Variants in KTN1 observed in about 807,000 individuals in gnomAD.
The protein encoded by KTN1 is kinectin 1.
In KTN1, 130 loss-of-function variants were observed where a neutral mutation model predicts 222.5. That is an observed-to-expected ratio of 0.58 (90% CI 0.51 to 0.68). The LOEUF (loss-of-function observed/expected upper bound fraction) is 0.68. Among genes scored for constraint, KTN1 ranks in the 30% least tolerant of loss-of-function variants. The probability of loss-of-function intolerance (pLI) is 0.00; values close to 1 mark genes in which losing one functional copy is unlikely to be tolerated. For missense variants in KTN1, 1,508 were observed against 1,500.4 expected, an observed-to-expected ratio of 1.01 and a Z score of -0.08; for synonymous variants, 512 against 496.3, an observed-to-expected ratio of 1.03 and a Z score of -0.42.
Position 55,612,005 on chromosome 14 carries a change from TC to T in KTN1, c.-30-13del. 1 of 1,132,468 alleles carries T rather than the reference TC, an allele frequency of 8.8e-7. No individual in the cohort carries two copies. The highest frequency in any genetic ancestry group is 1.2e-6 in the Non-Finnish European group (1 of 847,956). 70.2% of individuals were successfully genotyped at this position (1,132,468 alleles called of 1,614,324 possible). ...TCTTTTTTTTTTTTTGTCCCCACCT[TC>T]TTCCCTATTTAGGTTTTATAGGATC... On this transcript the variant is annotated splice_polypyrimidine_tract_variant and intron_variant, in intron 1 of 43. Transcript: ENST00000395314.
At chr14:55,612,647 A>G (rs1362173800) in intron 2 of KTN1, 76 bp downstream of exon 2, 9 of 1,152,746 alleles carry the variant, frequency 7.8e-6, no homozygotes, top group East Asian at 5.2e-5. Flanking sequence ...TGTTAGGTAC[A>G]TACACAGAAT....
chr14:55,620,631 C>T (rs1442391236), intron 5 of KTN1, among the ~76,000 whole-genome samples: 2 of 152,188 alleles, frequency 1.3e-5, no homozygotes, highest in Non-Finnish European at 2.9e-5. Flanking sequence ...AGCCATGGCC[C>T]ATGCTGTACC....
At chr14:55,672,798 G>A in intron 38 of KTN1, 97 bp downstream of exon 38, 2 of 1,050,836 alleles carry the variant, frequency 1.9e-6, no homozygotes, top group Non-Finnish European at 2.9e-6. Flanking sequence ...TTATAGTTAT[G>A]CTCTTAATAT....
intron 21 of KTN1, among the ~76,000 whole-genome samples, 179 bp downstream of exon 21, chr14:55,649,049 T>G (rs1332749816): frequency 6.6e-6 from 1 of 152,172 alleles, no homozygotes; most frequent in African/African-American, 2.4e-5. Context: ...CCCTCAGTCT[T>G]CTAAGTAGCT....
At chr14:55,593,446 C>CCCCA (rs1555357160) in intron 1 of KTN1, among the ~76,000 whole-genome samples, 38 of 120,574 alleles carry the variant, frequency 3.2e-4, no homozygotes, top group African/African-American at 8.6e-4. Context: ...ACCCCCCCCC[C>CCCCA]AAAAAAAAAA....
At chr14:55,639,070 T>C (rs373446606) in intron 12 of KTN1, 115 bp from the exon 13 acceptor site, 2 of 672,758 alleles carry the variant, frequency 3.0e-6, no homozygotes, top group East Asian at 2.7e-5. Flanking sequence ...CCAGATACTT[T>C]CATAACAATT....
At chr14:55,625,881 A>G (rs1327614769) in intron 5 of KTN1, among the ~76,000 whole-genome samples, 1 of 152,072 alleles carries the variant, frequency 6.6e-6, no homozygotes, top group Non-Finnish European at 1.5e-5. Context: ...TTTTTGTTAA[A>G]CTGCACTCTC....
Position 55,653,587 on chromosome 14 carries a change from T to A in KTN1, c.2792T>A (p.Leu931His). 1 of 1,609,852 alleles carries A rather than the reference T, an allele frequency of 6.2e-7. No individual in the cohort carries two copies. Among genetic ancestry groups the A allele is most frequent in the Non-Finnish European group, 8.5e-7 (1 of 1,176,732 alleles). Residue 931 changes from leucine to histidine, a missense_variant, in exon 28 of 44, where the codon CTT (leucine) becomes CAT (histidine). Physicochemically the swap from Leu to His is moderately conservative, Grantham distance 99. Coordinates refer to ENST00000395314, the MANE Select transcript of KTN1 (RefSeq NM_001079521.2). ...EASSASQFEELEIVLKEKENE... is the reference protein window; with the variant it reads ...EASSASQFEEHEIVLKEKENE... ...TCTTCTGCATCACAGTTTGAAGAAC[T>A]TGAGATTGTGTAAGTATGCTTTAAG...
intron 32 of KTN1, chr14:55,663,749 C>G (rs1034185435): frequency 1.2e-5 from 6 of 498,812 alleles, no homozygotes; most frequent in Non-Finnish European, 2.1e-5. Context: ...GATATATATA[C>G]TAAAACATGG....
At chr14:55,663,487 A>G (rs980709212) in intron 32 of KTN1, 2 of 162,918 alleles carry the variant, frequency 1.2e-5, no homozygotes, top group African/African-American at 4.8e-5. Flanking sequence ...GTAGATTTGA[A>G]ACATGTTAAT....
chr14:55,640,319 A>G (rs908479499), intron 14 of KTN1, 55 bp from the exon 15 acceptor site: 97 of 1,229,732 alleles, frequency 7.9e-5, no homozygotes, highest in Non-Finnish European at 1.1e-4. Context: ...GATGCTTTAC[A>G]AACTTTAAAA....
At chr14:55,679,976 G>T (rs10148122) in intron 43 of KTN1, 23,965 of 324,834 alleles carry the variant, frequency 0.074, 1,018 homozygotes, top group South Asian at 0.092. Context: ...TACCTGCAAC[G>T]GCTTCGTTAA....
chr14:55,676,697 G>A (rs1056075398), intron 41 of KTN1, among the ~76,000 whole-genome samples: 4 of 151,956 alleles, frequency 2.6e-5, no homozygotes, highest in African/African-American at 9.7e-5. Context: ...TTAAATATTT[G>A]ATATTCTAAT....
At chr14:55,644,479 G>T (rs1331055043) in intron 18 of KTN1, 2 of 688,900 alleles carry the variant, frequency 2.9e-6, no homozygotes, top group Non-Finnish European at 5.3e-6. Flanking sequence ...AGGAGGGAAG[G>T]CTGCATTTGG....
Position 55,649,668 on chromosome 14 carries a change from CA to C in KTN1, c.2368-107del, listed in dbSNP as rs1355974887. 4 of 668,374 alleles carry C rather than the reference CA, an allele frequency of 6.0e-6. No homozygotes were observed. The African/African-American group carries it at 7.6e-5, about 13-fold the overall frequency. 41.4% of individuals were successfully genotyped at this position (668,374 alleles called of 1,614,324 possible). On this transcript the variant is annotated intron_variant, in intron 21 of 43. Coordinates refer to ENST00000395314, the MANE Select transcript of KTN1 (RefSeq NM_001079521.2). ...CTCGAAAGAATGCCTGGGCTTTTCC[CA>C]TTTGGATTTTGATTGTATTGGAAAA... is the stretch of plus-strand genomic sequence containing the variant.
chr14:55,589,161 C>T (rs562482775), intron 1 of KTN1, among the ~76,000 whole-genome samples: 24 of 152,164 alleles, frequency 1.6e-4, no homozygotes, highest in African/African-American at 4.6e-4. Flanking sequence ...TGATGAAAGC[C>T]GAATTTTTGT....
intron 1 of KTN1, among the ~76,000 whole-genome samples, chr14:55,592,347 A>G (rs545777795): frequency 1.9e-3 from 291 of 152,280 alleles, no homozygotes; most frequent in Non-Finnish European, 2.4e-3. Context: ...AAATGTGTTT[A>G]TTTATAGATG....
intron 21 of KTN1, 110 bp downstream of exon 21, chr14:55,648,980 C>T: frequency 1.4e-6 from 1 of 718,988 alleles, no homozygotes. Flanking sequence ...GGCTGGAGTG[C>T]AGTGGTACAA....
Position 55,614,737 on chromosome 14 carries a change from G to A in KTN1, c.524-1780G>A, listed in dbSNP as rs545241448. 6.6e-5 allele frequency among the ~76,000 whole-genome samples: 10 copies of A among 152,306 alleles called. No individual in the cohort carries two copies. In the East Asian group the frequency reaches 1.9e-3, roughly 29 times the overall value. On this transcript the variant is annotated intron_variant, in intron 2 of 43. Transcript: ENST00000395314. ...CATGCTGCAGTGGCAGACTTGAATA[G>A]TTGTACCAGAGACCATATGTCCTAT...
Sources: gnomAD v4.1 joint callset for allele counts (sites outside exome capture counted in the v4.1 genomes callset) on GRCh38, gnomAD v4.1.1 for gene constraint, MANE v1.5 for transcripts, NCBI Gene and HGNC (gene_info 2026-07-23, HGNC 2026-07-21) for gene names.